The following MDGA2 variants were observed in gnomAD, a reference collection of about 807,000 sequenced individuals.
The protein encoded by MDGA2 is MAM domain containing glycosylphosphatidylinositol anchor 2.
A neutral mutation model predicts 117.8 loss-of-function variants in MDGA2; 40 were observed. That is an observed-to-expected ratio of 0.34 (90% CI 0.26 to 0.44). The LOEUF (loss-of-function observed/expected upper bound fraction) is 0.44. Among genes scored for constraint, MDGA2 ranks in the 20% least tolerant of loss-of-function variants. The pLI, the probability that MDGA2 is intolerant of heterozygous loss-of-function variation, is 1.00. For missense variants in MDGA2, 1,123 were observed against 1,250.6 expected (o/e 0.90, Z 1.54); for synonymous variants, 452 against 439.0 (o/e 1.03, Z -0.37).
intron 2 of MDGA2, among the ~76,000 whole-genome samples, chr14:47,232,773 A>T (rs1301665802): frequency 6.6e-6 from 1 of 152,176 alleles, no homozygotes; most frequent in Non-Finnish European, 1.5e-5. Flanking sequence ...TTGTTGACAG[A>T]TACTCTTAGC....
At chr14:47,355,903 T>C (rs1322760183) in intron 1 of MDGA2, among the ~76,000 whole-genome samples, 1 of 152,182 alleles carries the variant, frequency 6.6e-6, no homozygotes, top group Non-Finnish European at 1.5e-5. Context: ...GCACATTTCA[T>C]CTGAGTGCAT....
intron 13 of MDGA2, 198 bp downstream of exon 13, chr14:46,873,847 C>T (rs1882116424): frequency 3.5e-6 from 2 of 576,760 alleles, no homozygotes; most frequent in African/African-American, 2.0e-5. Flanking sequence ...CCTATTCTCT[C>T]TACTATATGT....
At chr14:47,180,922 A>G (rs1884676284) in intron 3 of MDGA2, among the ~76,000 whole-genome samples, 1 of 152,120 alleles carries the variant, frequency 6.6e-6, no homozygotes, top group Admixed American at 6.5e-5. Context: ...CTTCCACTCA[A>G]AACAAACAAA....
intron 4 of MDGA2, among the ~76,000 whole-genome samples, chr14:47,142,261 T>A (rs974067456): frequency 6.6e-6 from 1 of 152,044 alleles, no homozygotes; most frequent in Non-Finnish European, 1.5e-5. Flanking sequence ...CTAGCCAACA[T>A]GGTGAAACCC....
At chr14:47,145,027 G>A (rs1882885555) in intron 3 of MDGA2, among the ~76,000 whole-genome samples, 1 of 151,688 alleles carries the variant, frequency 6.6e-6, no homozygotes, top group Admixed American at 6.6e-5. Context: ...CAAATGATTA[G>A]AATATGTATA....
At chr14:47,509,913 A>C (rs185746599) in intron 1 of MDGA2, among the ~76,000 whole-genome samples, 2 of 152,136 alleles carry the variant, frequency 1.3e-5, no homozygotes, top group African/African-American at 4.8e-5. Flanking sequence ...TTTAGATTAG[A>C]CTTTAGTGTT....
At chr14:47,251,336 G>C (rs1887437335) in intron 2 of MDGA2, among the ~76,000 whole-genome samples, 1 of 152,130 alleles carries the variant, frequency 6.6e-6, no homozygotes. Context: ...AGATAACTCT[G>C]TCTGTATTCC....
intron 1 of MDGA2, among the ~76,000 whole-genome samples, chr14:47,351,902 AACACACACAC>A (rs35860893): frequency 0.13 from 19,953 of 148,416 alleles, 1,400 homozygotes; most frequent in East Asian, 0.18. Flanking sequence ...CTCTAAATTA[AACACACACAC>A]ACACACACAC....
chr14:47,525,796 T>C (rs1894961784), intron 1 of MDGA2, among the ~76,000 whole-genome samples: 1 of 152,074 alleles, frequency 6.6e-6, no homozygotes, highest in African/African-American at 2.4e-5. Context: ...GTGTTTTTTT[T>C]CCATTATATT....
At chr14:47,214,570 G>A (rs911792663) in intron 3 of MDGA2, among the ~76,000 whole-genome samples, 2 of 151,740 alleles carry the variant, frequency 1.3e-5, no homozygotes, top group African/African-American at 2.4e-5. Context: ...AAATTATGTG[G>A]GAAAAAGTCG....
At chr14:47,403,038 C>G (rs928870871) in intron 1 of MDGA2, among the ~76,000 whole-genome samples, 2 of 152,082 alleles carry the variant, frequency 1.3e-5, no homozygotes, top group African/African-American at 4.8e-5. Context: ...TAAGATCTTT[C>G]CCATGTTAAA....
At chr14:46,980,527 C>T (rs528385747) in intron 8 of MDGA2, among the ~76,000 whole-genome samples, 1 of 152,244 alleles carries the variant, frequency 6.6e-6, no homozygotes, top group African/African-American at 2.4e-5. Flanking sequence ...AGGATTGACT[C>T]CAATTTTGAA....
chr14:47,147,615 T>C (rs151175892), intron 3 of MDGA2, among the ~76,000 whole-genome samples: 3 of 152,294 alleles, frequency 2.0e-5, no homozygotes, highest in Non-Finnish European at 4.4e-5. Context: ...CAATTTTACC[T>C]GATAGCAATC....
rs370986991 is a variant in MDGA2 at position 47,314,690 on chromosome 14, T to C, written c.281-13140A>G. Among the ~76,000 whole-genome samples, 4 of 151,798 alleles carry C rather than the reference T, an allele frequency of 2.6e-5. No homozygotes were observed. In the South Asian group the frequency reaches 8.3e-4, roughly 32 times the overall value. The stretch of plus-strand genomic sequence containing the variant: ...GATTCTGTCTCAAAAAAAAAAGTGA[T>C]AACAGAGATAATCATACAAGAGGGA... On this transcript the variant is annotated intron_variant, in intron 1 of 16. Coordinates refer to ENST00000399232, the MANE Select transcript of MDGA2 (RefSeq NM_001113498.3).
intron 1 of MDGA2, among the ~76,000 whole-genome samples, chr14:47,341,859 G>C (rs1299976436): frequency 6.6e-6 from 1 of 152,070 alleles, no homozygotes; most frequent in East Asian, 1.9e-4. Flanking sequence ...TTTATTTCAA[G>C]ACAGACTCTC....
intron 8 of MDGA2, among the ~76,000 whole-genome samples, chr14:46,992,667 T>C (rs1484097460): frequency 6.6e-6 from 1 of 152,166 alleles, no homozygotes; most frequent in Non-Finnish European, 1.5e-5. Flanking sequence ...TTCATAGTAA[T>C]TTGATAGAGA....
intron 1 of MDGA2, among the ~76,000 whole-genome samples, chr14:47,370,700 T>G (rs1408236000): frequency 2.6e-5 from 4 of 151,482 alleles, no homozygotes; most frequent in Non-Finnish European, 5.9e-5. Context: ...ATTTCTTTTC[T>G]CTTTTTGCTC....
chr14:47,470,092 T>C (rs1057005909), intron 1 of MDGA2, among the ~76,000 whole-genome samples: 1 of 149,704 alleles, frequency 6.7e-6, no homozygotes. Context: ...GGTTTTTTTT[T>C]CATCTTTTTA....
chr14:47,269,250 G>C (rs976889902), intron 2 of MDGA2, among the ~76,000 whole-genome samples: 6 of 151,998 alleles, frequency 3.9e-5, no homozygotes, highest in African/African-American at 7.3e-5. Context: ...TCTTATAAAA[G>C]GGAAGCTATA....
Sources: gnomAD v4.1 joint callset for allele counts (sites outside exome capture counted in the v4.1 genomes callset) on GRCh38, gnomAD v4.1.1 for gene constraint, MANE v1.5 for transcripts, NCBI Gene and HGNC (gene_info 2026-07-23, HGNC 2026-07-21) for gene names.